SLIT1: variants seen among roughly 807,000 people sequenced by gnomAD.
The protein encoded by SLIT1 is slit homolog 1 protein.
Under a neutral mutation model 186.1 loss-of-function variants are expected in SLIT1, and 66 were observed. The ratio of observed to expected loss-of-function variants is 0.35; its 90% CI spans 0.29 to 0.44. The LOEUF (loss-of-function observed/expected upper bound fraction) is 0.44, where lower values mean the gene tolerates loss of function less well. Ranked by LOEUF, SLIT1 falls within the 20% of genes least tolerant of loss-of-function variation. SLIT1 has a pLI of 1.00. For synonymous variants in SLIT1, 761 were observed against 833.8 expected (o/e 0.91, Z 1.50); for missense variants, 1,638 against 2,037.4 (o/e 0.80, Z 3.77).
At chr10:97,100,195 C>T (rs1355371530) in intron 4 of SLIT1, among the ~76,000 whole-genome samples, 1 of 152,148 alleles carries the variant, frequency 6.6e-6, no homozygotes, top group Non-Finnish European at 1.5e-5. Flanking sequence ...CATGAATACG[C>T]CCCTTCCCAA....
chr10:97,037,188 G>A (rs1293416633), intron 22 of SLIT1, among the ~76,000 whole-genome samples: 7 of 151,754 alleles, frequency 4.6e-5, no homozygotes, highest in East Asian at 3.9e-4. Context: ...TCCACCTCCC[G>A]GGTTCAAGCG....
At chr10:97,097,827 C>A (rs147013362) in intron 4 of SLIT1, among the ~76,000 whole-genome samples, 7 of 152,220 alleles carry the variant, frequency 4.6e-5, no homozygotes, top group Admixed American at 2.0e-4. Flanking sequence ...CCCAGCCATA[C>A]ACAATCTGTG....
rs1319502385 is a variant in SLIT1 at position 97,002,289 on chromosome 10, C to T, written c.4235G>A (p.Cys1412Tyr). The change falls in exon 36 of 37, where the codon TGC (cysteine) becomes TAC (tyrosine). Residue 1412 changes from cysteine to tyrosine, a missense_variant. Cys to Tyr is a radical substitution (Grantham distance 194). This residue lies in a region of SLIT1 where 220 missense variants were observed against 211.3 expected (regional missense o/e 1.04). Coordinates refer to ENST00000266058, the MANE Select transcript of SLIT1 (RefSeq NM_003061.3). ...CTCTGCCAGGGCCCCGGCCTGGTTG[C>T]ACAGTGCCCCCGAGTACCCATCCTG... ...QCQDGYSGAL[C>Y]NQAGALAEPC... 1 of 1,610,596 alleles carries T rather than the reference C, an allele frequency of 6.2e-7. No individual in the cohort carries two copies. The highest frequency in any genetic ancestry group is 8.5e-7 in the Non-Finnish European group (1 of 1,179,110).
At chr10:97,071,527 G>C (rs867560820) in intron 4 of SLIT1, among the ~76,000 whole-genome samples, 1 of 152,178 alleles carries the variant, frequency 6.6e-6, no homozygotes, top group East Asian at 1.9e-4. Context: ...CCTTGTTCTA[G>C]AAAGCCTTTA....
At chr10:97,137,246 C>T (rs1183993327) in intron 4 of SLIT1, among the ~76,000 whole-genome samples, 2 of 152,018 alleles carry the variant, frequency 1.3e-5, no homozygotes, top group African/African-American at 4.8e-5. Flanking sequence ...GAGACATCTT[C>T]GAGGCACACT....
At chr10:97,075,118 G>T (rs900962505) in intron 4 of SLIT1, among the ~76,000 whole-genome samples, 2 of 152,190 alleles carry the variant, frequency 1.3e-5, no homozygotes, top group African/African-American at 4.8e-5. Flanking sequence ...TGGGCAGCCT[G>T]GCCTGTCCCC....
Position 97,004,852 on chromosome 10 carries a change from C to T in SLIT1, c.3580-29G>A. ...ATGGGCAGTGGCACTTTCTCTCCCA[C>T]CCCACCCCATGCAGCAGCGGCACAG... On this transcript the variant is annotated intron_variant, in intron 32 of 36. Transcript: ENST00000266058. This position sits in a 1 kb window ranked among gnomAD's most constrained non-coding sequence, Gnocchi z 5.1. 1 of 1,613,142 alleles carries T rather than the reference C, an allele frequency of 6.2e-7. No homozygotes were observed. Among genetic ancestry groups the T allele is most frequent in the Non-Finnish European group, 8.5e-7 (1 of 1,179,208 alleles).
chr10:97,119,545 C>G (rs1849539677), intron 4 of SLIT1, among the ~76,000 whole-genome samples: 1 of 152,032 alleles, frequency 6.6e-6, no homozygotes, highest in Admixed American at 6.6e-5. Flanking sequence ...GCTGATGGGC[C>G]GTGAACAGAA....
chr10:97,055,046 T>C (rs1254917523), intron 13 of SLIT1, among the ~76,000 whole-genome samples: 1 of 152,012 alleles, frequency 6.6e-6, no homozygotes, highest in Non-Finnish European at 1.5e-5. Context: ...TGAAACCCCA[T>C]CTCCATTAAA....
At chr10:97,134,999 C>T (rs1276216260) in intron 4 of SLIT1, among the ~76,000 whole-genome samples, 2 of 152,196 alleles carry the variant, frequency 1.3e-5, no homozygotes, top group African/African-American at 4.8e-5. Flanking sequence ...GAGACCACAG[C>T]CTTTTTTCTC....
chr10:97,061,199 C>T (rs537301744), intron 8 of SLIT1, among the ~76,000 whole-genome samples: 1 of 152,252 alleles, frequency 6.6e-6, no homozygotes, highest in Non-Finnish European at 1.5e-5. Flanking sequence ...AAGTGCACTA[C>T]ATGCAGCATT....
chr10:97,179,000 G>A (rs548841154), intron 1 of SLIT1, among the ~76,000 whole-genome samples: 2 of 152,040 alleles, frequency 1.3e-5, no homozygotes, highest in East Asian at 1.9e-4. Flanking sequence ...CAAATACATG[G>A]CACTTACCTT....
At chr10:97,138,275 G>C (rs948825952) in intron 4 of SLIT1, among the ~76,000 whole-genome samples, 4 of 152,252 alleles carry the variant, frequency 2.6e-5, no homozygotes, top group Non-Finnish European at 4.4e-5. Flanking sequence ...GCGAAGTCCA[G>C]ATGGAAGCTG....
chr10:97,138,106 A>G (rs1849719992), intron 4 of SLIT1, among the ~76,000 whole-genome samples: 1 of 152,218 alleles, frequency 6.6e-6, no homozygotes, highest in Non-Finnish European at 1.5e-5. Flanking sequence ...TTTTTCAGCC[A>G]GAGGCAGATG....
intron 4 of SLIT1, among the ~76,000 whole-genome samples, chr10:97,130,574 A>G (rs775076047): frequency 6.6e-6 from 1 of 152,224 alleles, no homozygotes; most frequent in Non-Finnish European, 1.5e-5. Context: ...GGAAACAGAA[A>G]GTAGAATGGT....
intron 4 of SLIT1, among the ~76,000 whole-genome samples, chr10:97,136,478 T>C (rs1849704546): frequency 6.6e-6 from 1 of 152,208 alleles, no homozygotes; most frequent in African/African-American, 2.4e-5. Flanking sequence ...GTCATAGTAA[T>C]CTTTTTGTAT....
At chr10:97,025,862 A>C (rs1343841117) in intron 25 of SLIT1, among the ~76,000 whole-genome samples, 1 of 151,420 alleles carries the variant, frequency 6.6e-6, no homozygotes, top group African/African-American at 2.4e-5. Flanking sequence ...CATCCATCCC[A>C]CTCCTAGGCG....
At chr10:97,012,124 A>G (rs944166086) in intron 30 of SLIT1, among the ~76,000 whole-genome samples, 9 of 142,020 alleles carry the variant, frequency 6.3e-5, no homozygotes, top group Non-Finnish European at 1.1e-4. Context: ...ACACACACAC[A>G]CACACGCACA....
chr10:97,185,557 A>G lies in SLIT1; in HGVS notation c.118T>C (p.Cys40Arg). Residue 40 changes from cysteine to arginine, a missense_variant, in exon 1 of 37, where the codon TGC becomes CGC. Physicochemically the swap from Cys to Arg is radical, Grantham distance 180. Transcript: ENST00000266058. ...TGGCAGTCCACCGTGGTTCCGGTGC[A>G]GGTGCAGAGGGCGGGGCACGCCGAG... is the stretch of plus-strand genomic sequence containing the variant. ...GASACPALCT[C>R]TGTTVDCHGT... 6.2e-7 allele frequency: 1 copy of G among 1,610,904 alleles called. No homozygotes were observed. The highest frequency in any genetic ancestry group is 8.5e-7 in the Non-Finnish European group (1 of 1,179,278).
Sources: allele counts gnomAD v4.1 joint callset (sites outside exome capture counted in the v4.1 genomes callset), GRCh38; gene constraint gnomAD v4.1.1; regional missense constraint gnomAD v4.1.1; non-coding constraint Gnocchi (gnomAD v3.1); transcripts MANE v1.5; gene names NCBI Gene and HGNC (gene_info 2026-07-23, HGNC 2026-07-21).